The following TEX10 variants were observed in gnomAD, a reference collection of about 807,000 sequenced individuals.
TEX10 encodes the protein testis-expressed protein 10.
A neutral mutation model predicts 104.4 loss-of-function variants in TEX10; 24 were observed. That is an observed-to-expected ratio of 0.23 (90% CI 0.17 to 0.32). The LOEUF (loss-of-function observed/expected upper bound fraction) is 0.32, where lower values mean the gene tolerates loss of function less well. TEX10 is among the 10% of genes least tolerant of loss of function. The pLI is 1.00. For missense variants in TEX10, 921 were observed against 1,083.9 expected, an observed-to-expected ratio of 0.85 and a Z score of 2.11; for synonymous variants, 396 against 393.4, an observed-to-expected ratio of 1.01 and a Z score of -0.08.
At chr9:100,342,682 A>G (rs1835203070) in intron 4 of TEX10, among the ~76,000 whole-genome samples, 1 of 152,196 alleles carries the variant, frequency 6.6e-6, no homozygotes, top group South Asian at 2.1e-4. Context: ...GCAAAAGGAT[A>G]AAAGCAATGA....
rs1418850132 is a variant in TEX10, at chr9:100,352,910, G to A, written c.-148C>T. The A allele has an allele frequency of 4.0e-6, 4 of 990,432 alleles. No individual in the cohort carries two copies. Among genetic ancestry groups the A allele is most frequent in the South Asian group, 9.2e-5 (2 of 21,698 alleles). 61.4% of individuals were successfully genotyped at this position (990,432 alleles called of 1,614,324 possible). A position where few individuals can be genotyped will look rare whatever the true frequency, so the allele number is the denominator to read the frequency against. ...TTTTCAAATAGCCTCGTCCTCACGC[G>A]GCCGCGTCTCCTTCCGCCGCCCGGA... On this transcript the variant is annotated 5_prime_UTR_variant, in exon 1 of 15. Coordinates refer to ENST00000374902, the MANE Select transcript of TEX10 (RefSeq NM_017746.4).
chr9:100,310,533 G>A (rs1391723290), intron 11 of TEX10, among the ~76,000 whole-genome samples, 154 bp from the exon 12 acceptor site: 1 of 152,126 alleles, frequency 6.6e-6, no homozygotes, highest in African/African-American at 2.4e-5. Context: ...CCGTGACCTG[G>A]CTCAAGCAAT....
Position 100,320,412 on chromosome 9 carries a change from C to A in TEX10, c.2069-14G>T. On this transcript the variant is annotated splice_polypyrimidine_tract_variant and intron_variant, in intron 10 of 14. Coordinates refer to ENST00000374902, the MANE Select transcript of TEX10 (RefSeq NM_017746.4). ...CTTTCGAAAACCCTAATTCAGGTAA[C>A]AAAGAAAGCCAATTTAAAAAAACAA... is the stretch of plus-strand genomic sequence containing the variant. 6.4e-7 allele frequency: 1 copy of A among 1,571,582 alleles called. No individual in the cohort carries two copies. Among genetic ancestry groups the A allele is most frequent in the South Asian group, 1.2e-5 (1 of 83,376 alleles).
intron 1 of TEX10, among the ~76,000 whole-genome samples, chr9:100,351,250 A>G (rs1245733911): frequency 3.3e-5 from 5 of 152,004 alleles, no homozygotes. Context: ...CACCTTTAAC[A>G]TACCAGAATT....
In TEX10 at chr9:100,310,293, A is replaced by G. The variant is rs1325891412; in HGVS notation, c.2283+6T>C. On this transcript the variant is annotated splice_donor_region_variant and intron_variant, in intron 12 of 14. Transcript: ENST00000374902. ...TTCTTAAGAGAAAAAGTTTAAGGAT[A>G]CTTACCAAATGCTTACTGATGGCAC... is the stretch of plus-strand genomic sequence containing the variant. 1 of 1,613,464 alleles carries G rather than the reference A, an allele frequency of 6.2e-7. No individual in the cohort carries two copies. Among genetic ancestry groups the G allele is most frequent in the Non-Finnish European group, 8.5e-7 (1 of 1,179,488 alleles).
At position 100,352,811 on chromosome 9, in the gene TEX10, G is replaced by C. The variant is rs953926773; in HGVS notation, c.-49C>G. 2 of 1,051,544 alleles carry C rather than the reference G, an allele frequency of 1.9e-6. No individual in the cohort carries two copies. Among genetic ancestry groups the C allele is most frequent in the Non-Finnish European group, 1.1e-6 (1 of 874,992 alleles). 65.1% of individuals were successfully genotyped at this position (1,051,544 alleles called of 1,614,324 possible). On this transcript the variant is annotated 5_prime_UTR_variant, in exon 1 of 15. Coordinates refer to ENST00000374902, the MANE Select transcript of TEX10 (RefSeq NM_017746.4). ...GCGGCCGGGGCGAGAAGCCCGAGAA[G>C]ACAAGCGAGGGAGCAGAAGCCCACG...
At chr9:100,305,008 A>G (rs1171923906) in intron 13 of TEX10, 1 of 152,210 alleles carries the variant, frequency 6.6e-6, no homozygotes, top group Non-Finnish European at 1.5e-5. Flanking sequence ...TTTCACTAAC[A>G]TTTAGGCTAA....
chr9:100,315,003 A>G (rs781211318), intron 11 of TEX10, among the ~76,000 whole-genome samples: 1 of 152,200 alleles, frequency 6.6e-6, no homozygotes, highest in Non-Finnish European at 1.5e-5. Flanking sequence ...GTCATCGTTC[A>G]GGTGTATGTT....
At chr9:100,321,497 C>T (rs1834571592) in intron 10 of TEX10, among the ~76,000 whole-genome samples, 186 bp downstream of exon 10, 1 of 152,074 alleles carries the variant, frequency 6.6e-6, no homozygotes, top group Non-Finnish European at 1.5e-5. Flanking sequence ...CCTCAGAAGC[C>T]TAACAGTGTA....
Position 100,352,834 on chromosome 9 carries a change from A to G in TEX10, c.-72T>C. 1 of 1,032,736 alleles carries G rather than the reference A, an allele frequency of 9.7e-7. No individual in the cohort carries two copies. The highest frequency in any genetic ancestry group is 1.2e-6 in the Non-Finnish European group (1 of 862,960). The allele number at this position is 1,032,736 out of a possible 1,614,324, so 64.0% of individuals were successfully genotyped here. A position where few individuals can be genotyped will look rare whatever the true frequency, so the allele number is the denominator to read the frequency against. On this transcript the variant is annotated 5_prime_UTR_variant, in exon 1 of 15. Coordinates refer to ENST00000374902, the MANE Select transcript of TEX10 (RefSeq NM_017746.4). ...AAGACAAGCGAGGGAGCAGAAGCCC[A>G]CGGGGCAACAGCGTGCGCCGCCGAC...
rs781266505 is a variant in TEX10 at position 100,327,968 on chromosome 9, A to G, written c.1626-6T>C. The G allele has an allele frequency of 9.7e-6, 15 of 1,539,632 alleles. No homozygotes were observed. The highest frequency in any genetic ancestry group is 1.3e-5 in the Non-Finnish European group (15 of 1,131,332). ...ATAACACTTTACTACGATATCTTAG[A>G]AAGGCCAAAGAAGAATAAAATGTAA... On this transcript the variant is annotated splice_polypyrimidine_tract_variant and splice_region_variant and intron_variant, in intron 7 of 14. Coordinates refer to ENST00000374902, the MANE Select transcript of TEX10 (RefSeq NM_017746.4).
At chr9:100,352,732 G>C (rs1835493594) in intron 1 of TEX10, 40 bp downstream of exon 1, 26 of 1,201,562 alleles carry the variant, frequency 2.2e-5, no homozygotes, top group South Asian at 1.9e-4. Flanking sequence ...TCAGTCCCGC[G>C]CCCCGGGAGG....
chr9:100,330,225 T>C, intron 5 of TEX10, 56 bp from the exon 6 acceptor site: 1 of 1,222,738 alleles, frequency 8.2e-7, no homozygotes, highest in Middle Eastern at 2.0e-4. Flanking sequence ...GCCTGCTTCA[T>C]TAGAATACTT....
Position 100,302,429 on chromosome 9 carries a change from C to T in TEX10, c.2677-125G>A, listed in dbSNP as rs549569443. ...AACTGTATCCCCATCTGTAAATTAC[C>T]ATAGGAAGTCTTCCAGGAAACAGGG... On this transcript the variant is annotated intron_variant, in intron 14 of 14. Coordinates refer to ENST00000374902, the MANE Select transcript of TEX10 (RefSeq NM_017746.4). 65 of 585,042 alleles carry T rather than the reference C, an allele frequency of 1.1e-4. No homozygotes were observed. The African/African-American group carries it at 1.1e-3, about 10-fold the overall frequency. The allele number at this position is 585,042 out of a possible 1,614,324, so 36.2% of individuals were successfully genotyped here. A position where few individuals can be genotyped will look rare whatever the true frequency, so the allele number is the denominator to read the frequency against.
intron 5 of TEX10, among the ~76,000 whole-genome samples, chr9:100,331,021 C>G (rs182227056): frequency 6.6e-6 from 1 of 151,776 alleles, no homozygotes; most frequent in Non-Finnish European, 1.5e-5. Context: ...TTTGAGAAGC[C>G]GAGGCAGGTG....
chr9:100,352,840 C>A lies in TEX10; in HGVS notation c.-78G>T, dbSNP rs1166183878. 3.9e-6 allele frequency: 4 copies of A among 1,020,664 alleles called. No homozygotes were observed. The highest frequency in any genetic ancestry group is 4.7e-6 in the Non-Finnish European group (4 of 854,744). The allele number at this position is 1,020,664 out of a possible 1,614,324, so 63.2% of individuals were successfully genotyped here. A position where few individuals can be genotyped will look rare whatever the true frequency, so the allele number is the denominator to read the frequency against. On this transcript the variant is annotated 5_prime_UTR_variant, in exon 1 of 15. Coordinates refer to ENST00000374902, the MANE Select transcript of TEX10 (RefSeq NM_017746.4). ...AGCGAGGGAGCAGAAGCCCACGGGG[C>A]AACAGCGTGCGCCGCCGACCTCAGG...
At chr9:100,326,508 C>G (rs1834708832) in intron 8 of TEX10, 29 bp from the exon 9 acceptor site, 1 of 1,584,928 alleles carries the variant, frequency 6.3e-7, no homozygotes, top group Admixed American at 1.8e-5. Context: ...ATATTAAAAA[C>G]AACTATAAAA....
intron 11 of TEX10, among the ~76,000 whole-genome samples, chr9:100,310,876 C>G (rs562029986): frequency 2.1e-4 from 32 of 152,152 alleles, no homozygotes; most frequent in Non-Finnish European, 4.7e-4. Context: ...ATCTACTAAT[C>G]ATATGTTGAA....
intron 11 of TEX10, among the ~76,000 whole-genome samples, chr9:100,317,459 A>G (rs10125785): frequency 0.63 from 96,129 of 151,996 alleles, 32,356 homozygotes; most frequent in East Asian, 0.89. Context: ...AATGAAACTG[A>G]ATCTCTCTTA....
Sources: gnomAD v4.1 joint callset for allele counts (sites outside exome capture counted in the v4.1 genomes callset) on GRCh38, gnomAD v4.1.1 for gene constraint, MANE v1.5 for transcripts, NCBI Gene and HGNC (gene_info 2026-07-23, HGNC 2026-07-21) for gene names.